Variants in GRIP2 observed in about 807,000 individuals in gnomAD.
GRIP2 encodes glutamate receptor-interacting protein 2.
A neutral mutation model predicts 108.3 loss-of-function variants in GRIP2; 58 were observed. The observed-to-expected ratio is 0.54, with a 90% CI of 0.43 to 0.67. GRIP2 has a LOEUF of 0.67. Among genes scored for constraint, GRIP2 ranks in the 30% least tolerant of loss-of-function variants. GRIP2 has a pLI of 0.00. For missense variants in GRIP2, 1,278 were observed against 1,430.6 expected (o/e 0.89, Z 1.72); for synonymous variants, 586 against 598.2 (o/e 0.98, Z 0.30).
chr3:14,513,898 G>T, intron 12 of GRIP2, 88 bp from the exon 13 acceptor site: 1 of 1,480,452 alleles, frequency 6.8e-7, no homozygotes, highest in South Asian at 1.3e-5. Context: ...GACTGAACCT[G>T]GGTCACACCT....
At chr3:14,499,518 C>T (rs1693708740) in intron 21 of GRIP2, among the ~76,000 whole-genome samples, 2 of 151,846 alleles carry the variant, frequency 1.3e-5, no homozygotes, top group African/African-American at 4.8e-5. Context: ...GAGTTCAAGA[C>T]CAACCTGGGC....
the GRIP2 span, among the ~76,000 whole-genome samples, chr3:14,593,588 C>G: frequency 0.57 from 87,140 of 152,100 alleles, 25,639 homozygotes; most frequent in African/African-American, 0.7. Flanking sequence ...TGACAAACCA[C>G]CAACGATGCC....
the GRIP2 span, among the ~76,000 whole-genome samples, chr3:14,561,668 C>T: frequency 4.6e-5 from 7 of 152,362 alleles, no homozygotes; most frequent in African/African-American, 1.4e-4. Context: ...CTGCCATCCC[C>T]GCCTGCTTCC....
intron 1 of GRIP2, among the ~76,000 whole-genome samples, chr3:14,550,498 T>C (rs1448088017): frequency 2.0e-5 from 3 of 152,162 alleles, no homozygotes; most frequent in African/African-American, 4.8e-5. Context: ...CATTCTAGTA[T>C]GCCACCCTCC....
the GRIP2 span, among the ~76,000 whole-genome samples, chr3:14,577,756 C>T: frequency 5.9e-5 from 9 of 152,290 alleles, no homozygotes; most frequent in Middle Eastern, 3.4e-3. Context: ...TGCTCACATG[C>T]ACCCTAGGTG....
Position 14,520,259 on chromosome 3 carries a change from C to T in GRIP2, c.881G>A (p.Gly294Glu). ...GCCATCGATGGACAGGATGTGGTCTCCAGGGTGCAGGGCTCCGCTCCTGGC... is the reference window on the plus strand; with the variant it reads ...GCCATCGATGGACAGGATGTGGTCTTCAGGGTGCAGGGCTCCGCTCCTGGC... ...VVDRSGALHP[G>E]DHILSIDGTS... Residue 294 changes from glycine (G) to glutamate (E), a missense_variant, in exon 9 of 24, where the codon GGA becomes GAA. Coordinates refer to ENST00000621039, the MANE Select transcript of GRIP2 (RefSeq NM_001080423.4). 6.2e-7 allele frequency: 1 copy of T among 1,613,886 alleles called. No homozygotes were observed. Among genetic ancestry groups the T allele is most frequent in the Non-Finnish European group, 8.5e-7 (1 of 1,179,886 alleles).
chr3:14,493,467 C>G lies in GRIP2; in HGVS notation c.*198G>C, dbSNP rs546814739. ...TTGGCGAGAGACCCCAGCTGTCACT[C>G]CAACTAGGGCAGGACCTCCCTGCCT... On this transcript the variant is annotated 3_prime_UTR_variant, in exon 24 of 24. Coordinates refer to ENST00000621039, the MANE Select transcript of GRIP2 (RefSeq NM_001080423.4). The G allele has an allele frequency of 1.6e-6, 1 of 634,468 alleles. No homozygotes were observed. The highest frequency in any genetic ancestry group is 2.6e-6 in the Non-Finnish European group (1 of 388,896). 39.3% of individuals were successfully genotyped at this position (634,468 alleles called of 1,614,324 possible). A position where few individuals can be genotyped will look rare whatever the true frequency, so the allele number is the denominator to read the frequency against.
the GRIP2 span, among the ~76,000 whole-genome samples, chr3:14,584,165 G>A: frequency 6.6e-6 from 1 of 152,186 alleles, no homozygotes; most frequent in Non-Finnish European, 1.5e-5. Context: ...AGAGGCCTAG[G>A]GACTTCTGTG....
intron 21 of GRIP2, among the ~76,000 whole-genome samples, chr3:14,498,461 A>T (rs1261620011): frequency 6.6e-6 from 1 of 152,150 alleles, no homozygotes; most frequent in Non-Finnish European, 1.5e-5. Flanking sequence ...AGATCCTATC[A>T]CTAAAAAATA....
chr3:14,505,740 C>T lies in GRIP2; in HGVS notation c.2448G>A (p.Arg816=). ...AAARGTTPQE[R]RPGWLRGSPP... ...GGCTGCCCCTCAGCCAGCCAGGCCT[C>T]CGCTCCTGGGGGGTCGTGCCCCGGG... is the stretch of plus-strand genomic sequence containing the variant. The change falls in exon 20 of 24, where the codon CGG becomes CGA. Residue 816 remains arginine (R), a synonymous_variant. Coordinates refer to ENST00000621039, the MANE Select transcript of GRIP2 (RefSeq NM_001080423.4). The surrounding 1 kb of genome is among the most constrained non-coding windows in gnomAD (Gnocchi z 4.2). 6.3e-7 allele frequency: 1 copy of T among 1,583,366 alleles called. No homozygotes were observed. The highest frequency in any genetic ancestry group is 2.3e-5 in the East Asian group (1 of 43,464).
chr3:14,533,930 A>C (rs141065919), intron 1 of GRIP2, among the ~76,000 whole-genome samples: 233 of 152,278 alleles, frequency 1.5e-3, no homozygotes, highest in African/African-American at 5.2e-3. Context: ...GTGCGCAAAG[A>C]GTCAGTGGGC....
the GRIP2 span, among the ~76,000 whole-genome samples, chr3:14,561,719 C>T: frequency 1.3e-5 from 2 of 152,252 alleles, no homozygotes; most frequent in African/African-American, 4.8e-5. Flanking sequence ...CTTTAATCTT[C>T]TCAGCCTTTT....
chr3:14,540,485 C>G (rs1694942812), upstream of GRIP2: 2 of 1,454,504 alleles, frequency 1.4e-6, no homozygotes, highest in Non-Finnish European at 1.8e-6. This position sits in a 1 kb window ranked among gnomAD's most constrained non-coding sequence, Gnocchi z 4.1. Flanking sequence ...TGGCTATTGT[C>G]AAGGCTGGCT....
At chr3:14,553,505 C>G (rs1695185539) in intron 1 of GRIP2, among the ~76,000 whole-genome samples, 1 of 152,108 alleles carries the variant, frequency 6.6e-6, no homozygotes, top group South Asian at 2.1e-4. Flanking sequence ...CTCTTTTGAC[C>G]TCTCTCAAGC....
At chr3:14,602,515 G>T in the GRIP2 span, among the ~76,000 whole-genome samples, 1 of 151,984 alleles carries the variant, frequency 6.6e-6, no homozygotes, top group Admixed American at 6.5e-5. The surrounding 1 kb of genome is among the most constrained non-coding windows in gnomAD (Gnocchi z 4.7). Flanking sequence ...CACCCGGCGG[G>T]CTGGCTGGAG....
the GRIP2 span, among the ~76,000 whole-genome samples, chr3:14,595,181 C>T: frequency 1.6e-4 from 24 of 152,022 alleles, no homozygotes; most frequent in Non-Finnish European, 2.6e-4. Context: ...TACAGATGTG[C>T]GCCACCACAC....
chr3:14,595,306 G>C, the GRIP2 span, among the ~76,000 whole-genome samples: 3 of 152,112 alleles, frequency 2.0e-5, no homozygotes, highest in Non-Finnish European at 4.4e-5. Context: ...GGGATTACAG[G>C]TGTGTGCCCA....
Position 14,514,300 on chromosome 3 carries a change from C to A in GRIP2, c.1485G>T (p.Pro495=). The part of the protein sequence containing the change: ...PLVCFIEPDS[P]AERCGLLQVG... Reference sequence around the variant, plus strand: ...GGGGGCAGGAGGCTCACCTCTCAGCCGGACTGTCAGGCTCGATGAAGCACA... The same window carrying A: ...GGGGGCAGGAGGCTCACCTCTCAGCAGGACTGTCAGGCTCGATGAAGCACA... The change falls in exon 12 of 24, where the codon CCG becomes CCT. Residue 495 remains proline (P), a synonymous_variant. Transcript: ENST00000621039. The A allele has an allele frequency of 6.4e-7, 1 of 1,557,936 alleles. No homozygotes were observed. Among genetic ancestry groups the A allele is most frequent in the Non-Finnish European group, 8.7e-7 (1 of 1,152,148 alleles).
At chr3:14,495,097 AC>A (rs1693550407) in intron 22 of GRIP2, 108 bp from the exon 23 acceptor site, 17 of 1,413,514 alleles carry the variant, frequency 1.2e-5, no homozygotes, top group South Asian at 1.1e-4. Flanking sequence ...GGCCAGCCAC[AC>A]CCCCCAGGCT....
Sources: allele counts gnomAD v4.1 joint callset (sites outside exome capture counted in the v4.1 genomes callset), GRCh38; gene constraint gnomAD v4.1.1; non-coding constraint Gnocchi (gnomAD v3.1); transcripts MANE v1.5; gene names NCBI Gene and HGNC (gene_info 2026-07-23, HGNC 2026-07-21).